Variants in PACSIN1 observed in about 807,000 individuals in gnomAD.
PACSIN1 encodes the protein protein kinase C and casein kinase substrate in neurons protein 1.
PACSIN1 carries 15 observed loss-of-function variants against 59.5 expected under a neutral mutation model. The ratio of observed to expected loss-of-function variants is 0.25; its 90% CI spans 0.17 to 0.39. The LOEUF is 0.39. Ranked by LOEUF, PACSIN1 falls within the 10% of genes least tolerant of loss-of-function variation. The probability of loss-of-function intolerance (pLI) is 1.00; values close to 1 mark genes in which losing one functional copy is unlikely to be tolerated. For synonymous variants in PACSIN1, 210 were observed against 220.6 expected (o/e 0.95, Z 0.42); for missense variants, 420 against 580.2 (o/e 0.72, Z 2.84).
At chr6:34,473,113 A>G (rs904062251) in intron 1 of PACSIN1, among the ~76,000 whole-genome samples, 2 of 151,258 alleles carry the variant, frequency 1.3e-5, no homozygotes, top group Non-Finnish European at 2.9e-5. Flanking sequence ...GAATGGGGAT[A>G]ATCTCTTGTC....
In PACSIN1 at chr6:34,530,380, A is replaced by T; in HGVS notation, c.909+17A>T. The T allele has an allele frequency of 1.2e-6, 2 of 1,612,362 alleles. No homozygotes were observed. The highest frequency in any genetic ancestry group is 3.3e-4 in the Middle Eastern group (2 of 6,052). ...CAGTTTGAGGTGAGGATATGTGGGG[A>T]TGGGAAGGGGAGCCTGAAGAGGCTG... On this transcript the variant is annotated intron_variant, in intron 7 of 9. Coordinates refer to ENST00000244458, the MANE Select transcript of PACSIN1 (RefSeq NM_020804.5). The surrounding 1 kb of genome is among the most constrained non-coding windows in gnomAD (Gnocchi z 4.4).
intron 1 of PACSIN1, among the ~76,000 whole-genome samples, chr6:34,467,487 T>G (rs1448139652): frequency 6.6e-6 from 1 of 151,720 alleles, no homozygotes; most frequent in Non-Finnish European, 1.5e-5. Flanking sequence ...TTGGGCTTTC[T>G]CTCTATTCCC....
At chr6:34,526,394 C>G (rs747991383) in intron 2 of PACSIN1, 26 bp downstream of exon 2, 1 of 1,601,790 alleles carries the variant, frequency 6.2e-7, no homozygotes, top group Non-Finnish European at 8.5e-7. Flanking sequence ...TCCCCAGGTT[C>G]GGGGACCAGA....
intron 1 of PACSIN1, among the ~76,000 whole-genome samples, chr6:34,511,618 C>T (rs963146729): frequency 2.6e-5 from 4 of 152,134 alleles, no homozygotes; most frequent in African/African-American, 9.7e-5. Context: ...CAAGTACCCA[C>T]CCCACATGCT....
Position 34,489,538 on chromosome 6 carries a change from G to C in PACSIN1, c.-64+23268G>C, listed in dbSNP as rs567100162. On this transcript the variant is annotated intron_variant, in intron 1 of 9. Coordinates refer to ENST00000244458, the MANE Select transcript of PACSIN1 (RefSeq NM_020804.5). ...GTTTCAGAGGCAGACAGTTTCAGAG[G>C]CTTCCAAGAGCTATCATAGTAGCTC... Among the ~76,000 whole-genome samples, 10 of 152,222 alleles carry C rather than the reference G, an allele frequency of 6.6e-5. No individual in the cohort carries two copies. In the East Asian group the frequency reaches 1.4e-3, roughly 21 times the overall value.
chr6:34,489,099 TG>T (rs1766834658), intron 1 of PACSIN1, among the ~76,000 whole-genome samples: 1 of 151,434 alleles, frequency 6.6e-6, no homozygotes, highest in Non-Finnish European at 1.5e-5. Flanking sequence ...GAGGATCGCT[TG>T]AGCCAGGGAG....
chr6:34,500,624 G>A (rs192935174), intron 1 of PACSIN1, among the ~76,000 whole-genome samples: 12 of 152,310 alleles, frequency 7.9e-5, no homozygotes, highest in Admixed American at 7.8e-4. Context: ...ATGAGCACTG[G>A]CTTCAACTTA....
intron 1 of PACSIN1, among the ~76,000 whole-genome samples, chr6:34,519,835 AT>A (rs1233950168): frequency 6.6e-6 from 1 of 152,168 alleles, no homozygotes; most frequent in Non-Finnish European, 1.5e-5. Context: ...TTTGAACCTC[AT>A]CTGCAGATAT....
At chr6:34,471,049 G>C (rs545213556) in intron 1 of PACSIN1, among the ~76,000 whole-genome samples, 1 of 152,230 alleles carries the variant, frequency 6.6e-6, no homozygotes, top group South Asian at 2.1e-4. Flanking sequence ...AGGTTCAAGT[G>C]ATTCTCCTGC....
Position 34,495,704 on chromosome 6 carries a change from C to T in PACSIN1, c.-64+29434C>T, listed in dbSNP as rs953582458. Among the ~76,000 whole-genome samples the T allele has an allele frequency of 3.3e-5, 5 of 152,218 alleles. No individual in the cohort carries two copies. The East Asian group carries it at 5.8e-4, about 18-fold the overall frequency. ...CTGATCTCAGGTGACCCGCCCACCT[C>T]GGCCTCCTAAAGTGCTGGGATTACA... On this transcript the variant is annotated intron_variant, in intron 1 of 9. Coordinates refer to ENST00000244458, the MANE Select transcript of PACSIN1 (RefSeq NM_020804.5).
rs189657599 is a variant in PACSIN1, at chr6:34,521,194, C to A, written c.-63-5049C>A. Among the ~76,000 whole-genome samples, 3 of 152,232 alleles carry A rather than the reference C, an allele frequency of 2.0e-5. No individual in the cohort carries two copies. In the East Asian group the frequency reaches 5.8e-4, roughly 29 times the overall value. Reference sequence around the variant, plus strand: ...GTGATGAATGCCGTGCTGTGGATGCCGTGTCCGGTGGTGACGAGGGCTGTG... The same window carrying A: ...GTGATGAATGCCGTGCTGTGGATGCAGTGTCCGGTGGTGACGAGGGCTGTG... On this transcript the variant is annotated intron_variant, in intron 1 of 9. Coordinates refer to ENST00000244458, the MANE Select transcript of PACSIN1 (RefSeq NM_020804.5). The surrounding 1 kb of genome is among the most constrained non-coding windows in gnomAD (Gnocchi z 4.3).
chr6:34,507,260 T>C (rs914385536), intron 1 of PACSIN1, among the ~76,000 whole-genome samples: 1 of 152,286 alleles, frequency 6.6e-6, no homozygotes, highest in Admixed American at 6.5e-5. Flanking sequence ...CTGGCATATA[T>C]TGGGCAAAAA....
chr6:34,518,458 C>T lies in PACSIN1; in HGVS notation c.-63-7785C>T, dbSNP rs1166956451. 1.3e-5 allele frequency among the ~76,000 whole-genome samples: 2 copies of T among 152,224 alleles called. No homozygotes were observed. The highest frequency in any genetic ancestry group is 2.1e-4 in the South Asian group (1 of 4,826). On this transcript the variant is annotated intron_variant, in intron 1 of 9. Transcript: ENST00000244458. The surrounding 1 kb of genome is among the most constrained non-coding windows in gnomAD (Gnocchi z 4.4). ...CCTTCCCAACAAGCTCCTGTCTCTG[C>T]CTCCCCATCTGTGGGCATCTCACTT...
At chr6:34,513,832 G>A (rs532746584) in intron 1 of PACSIN1, among the ~76,000 whole-genome samples, 28 of 152,222 alleles carry the variant, frequency 1.8e-4, no homozygotes, top group East Asian at 3.9e-4. Context: ...CAGGTGGGGC[G>A]GAGCAGACAG....
At chr6:34,504,400 C>T (rs1767076949) in intron 1 of PACSIN1, among the ~76,000 whole-genome samples, 1 of 151,660 alleles carries the variant, frequency 6.6e-6, no homozygotes, top group Admixed American at 6.6e-5. Context: ...AAGCAATTCT[C>T]CTGCCTCAGA....
intron 1 of PACSIN1, among the ~76,000 whole-genome samples, chr6:34,468,823 G>T (rs1396935347): frequency 6.6e-6 from 1 of 152,224 alleles, no homozygotes; most frequent in Non-Finnish European, 1.5e-5. Flanking sequence ...TGGGGTCTGT[G>T]GGGGCAGAGT....
Position 34,514,450 on chromosome 6 carries a change from A to C in PACSIN1, c.-63-11793A>C, listed in dbSNP as rs1021254020. Among the ~76,000 whole-genome samples, 1 of 152,106 alleles carries C rather than the reference A, an allele frequency of 6.6e-6. No individual in the cohort carries two copies. Among genetic ancestry groups the C allele is most frequent in the African/African-American group, 2.4e-5 (1 of 41,402 alleles). ...AACTCAAAATTTTGAATTTTCATCA[A>C]ATGAGAGAATAAATGATTAAACAAA... On this transcript the variant is annotated intron_variant, in intron 1 of 9. Transcript: ENST00000244458. The surrounding 1 kb of genome is among the most constrained non-coding windows in gnomAD (Gnocchi z 4.4).
intron 3 of PACSIN1, chr6:34,527,738 C>T (rs1218238991): frequency 3.1e-6 from 1 of 327,364 alleles, no homozygotes; most frequent in Non-Finnish European, 5.5e-6. Context: ...GTGAAAGTTG[C>T]AACAGTAGCA....
At chr6:34,468,437 C>A (rs907556168) in intron 1 of PACSIN1, among the ~76,000 whole-genome samples, 2 of 152,226 alleles carry the variant, frequency 1.3e-5, no homozygotes, top group Non-Finnish European at 1.5e-5. Flanking sequence ...ATCATTCATT[C>A]ATTCCACAAT....
Sources: gnomAD v4.1 joint callset for allele counts (sites outside exome capture counted in the v4.1 genomes callset) on GRCh38, gnomAD v4.1.1 for gene constraint, Gnocchi (gnomAD v3.1) non-coding constraint, MANE v1.5 for transcripts, NCBI Gene and HGNC (gene_info 2026-07-23, HGNC 2026-07-21) for gene names.